Variants in SBNO1 observed in about 807,000 individuals in gnomAD.
The protein encoded by SBNO1 is protein strawberry notch homolog 1.
Under a neutral mutation model 173.6 loss-of-function variants are expected in SBNO1, and 23 were observed. The observed-to-expected ratio is 0.13, with a 90% CI of 0.10 to 0.19. The LOEUF (loss-of-function observed/expected upper bound fraction) is 0.19, where lower values mean the gene tolerates loss of function less well. SBNO1 is among the 10% of genes least tolerant of loss of function. The pLI is 1.00. For synonymous variants in SBNO1, 632 were observed against 571.5 expected (o/e 1.11, Z -1.51); for missense variants, 1,238 against 1,671.2 (o/e 0.74, Z 4.52).
chr12:123,336,388 G>A lies in SBNO1; in HGVS notation c.748+7C>T, dbSNP rs767164292. 2.0e-6 allele frequency: 3 copies of A among 1,501,926 alleles called. No individual in the cohort carries two copies. Among genetic ancestry groups the A allele is most frequent in the Admixed American group, 1.8e-5 (1 of 55,158 alleles). The allele number at this position is 1,501,926 out of a possible 1,614,324, so 93.0% of individuals were successfully genotyped here. On this transcript the variant is annotated splice_region_variant and intron_variant, in intron 6 of 31. Coordinates refer to ENST00000602398, the MANE Select transcript of SBNO1 (RefSeq NM_001167856.3). Reference sequence around the variant, plus strand: ...ATGTAAATATCTGACAAATCCCGAAGACATACATTTTATTGGCATGTATTC... The same window carrying A: ...ATGTAAATATCTGACAAATCCCGAAAACATACATTTTATTGGCATGTATTC...
At chr12:123,298,405 T>C (rs962808923) in intron 30 of SBNO1, among the ~76,000 whole-genome samples, 3 of 151,908 alleles carry the variant, frequency 2.0e-5, no homozygotes, top group African/African-American at 7.3e-5. Flanking sequence ...TAACTGGGAC[T>C]TTTTTTTGTT....
intron 1 of SBNO1, among the ~76,000 whole-genome samples, chr12:123,356,473 T>C (rs1283097595): frequency 4.6e-5 from 7 of 152,336 alleles, no homozygotes; most frequent in South Asian, 2.1e-4. Flanking sequence ...TCTTGTTCTG[T>C]CACCCAAGCT....
chr12:123,347,468 C>T (rs1040456223), intron 3 of SBNO1, among the ~76,000 whole-genome samples: 2 of 151,832 alleles, frequency 1.3e-5, no homozygotes, highest in Admixed American at 1.3e-4. Flanking sequence ...CCTCGTGATC[C>T]ACCCTCCCTG....
chr12:123,311,139 C>G lies in SBNO1; in HGVS notation c.3221-10G>C. On this transcript the variant is annotated splice_polypyrimidine_tract_variant and intron_variant, in intron 24 of 31. Transcript: ENST00000602398. The stretch of plus-strand genomic sequence containing the variant: ...AGTCCTTGTCGAACATCTGTAAGAA[C>G]AGGATCAATTCTGACTCATAAATTA... 3 of 1,604,612 alleles carry G rather than the reference C, an allele frequency of 1.9e-6. No homozygotes were observed. The highest frequency in any genetic ancestry group is 2.6e-6 in the Non-Finnish European group (3 of 1,171,526).
chr12:123,320,143 C>A, intron 19 of SBNO1, 112 bp from the exon 20 acceptor site: 1 of 1,208,340 alleles, frequency 8.3e-7, no homozygotes, highest in South Asian at 1.4e-5. Context: ...TGTGCTGCAC[C>A]ACACACTGAA....
At chr12:123,358,228 G>A (rs2139099819) in intron 1 of SBNO1, among the ~76,000 whole-genome samples, 1 of 152,332 alleles carries the variant, frequency 6.6e-6, no homozygotes, top group African/African-American at 2.4e-5. Flanking sequence ...AGTTTTGACT[G>A]CATTTTGGAC....
At chr12:123,341,320 G>T (rs1019839813) in intron 4 of SBNO1, among the ~76,000 whole-genome samples, 35 of 151,838 alleles carry the variant, frequency 2.3e-4, no homozygotes, top group African/African-American at 8.2e-4. Flanking sequence ...GTGGTGGCGG[G>T]CACCTGTAAT....
chr12:123,295,833 C>T lies in SBNO1; in HGVS notation c.*75G>A, dbSNP rs968930328. On this transcript the variant is annotated 3_prime_UTR_variant, in exon 32 of 32. Coordinates refer to ENST00000602398, the MANE Select transcript of SBNO1 (RefSeq NM_001167856.3). Reference sequence around the variant, plus strand: ...AAAAAAATATATAATTCTTTGGAAACTGTCCCTGATTTTTATGCAAATGAT... The same window carrying T: ...AAAAAAATATATAATTCTTTGGAAATTGTCCCTGATTTTTATGCAAATGAT... 1 of 1,546,852 alleles carries T rather than the reference C, an allele frequency of 6.5e-7. No homozygotes were observed. Among genetic ancestry groups the T allele is most frequent in the African/African-American group, 1.4e-5 (1 of 72,758 alleles).
chr12:123,348,475 A>G (rs1476423759), intron 2 of SBNO1, among the ~76,000 whole-genome samples: 1 of 152,006 alleles, frequency 6.6e-6, no homozygotes, highest in Non-Finnish European at 1.5e-5. Flanking sequence ...ACAAAAAATT[A>G]GCTGGGCTTG....
rs1204022846 is a variant in SBNO1 at position 123,321,741 on chromosome 12, C to A, written c.2126-9G>T. 2 of 1,612,598 alleles carry A rather than the reference C, an allele frequency of 1.2e-6. No individual in the cohort carries two copies. Among genetic ancestry groups the A allele is most frequent in the Non-Finnish European group, 1.7e-6 (2 of 1,179,002 alleles). On this transcript the variant is annotated splice_polypyrimidine_tract_variant and intron_variant, in intron 16 of 31. Coordinates refer to ENST00000602398, the MANE Select transcript of SBNO1 (RefSeq NM_001167856.3). ...TCGAGTTATTTCTTCACCTACCCTC[C>A]GCCACAAACAAGAGAGTCAGCCCAA... is the stretch of plus-strand genomic sequence containing the variant.
rs1875705057 is a variant in SBNO1, at chr12:123,363,822, G to A, written c.-1+879C>T. 11 of 979,506 alleles carry A rather than the reference G, an allele frequency of 1.1e-5. No individual in the cohort carries two copies. The South Asian group carries it at 1.9e-4, about 17-fold the overall frequency. The allele number at this position is 979,506 out of a possible 1,614,324, so 60.7% of individuals were successfully genotyped here. A position where few individuals can be genotyped will look rare whatever the true frequency, so the allele number is the denominator to read the frequency against. ...GTGGTCCGCAAACATTAACCAAACA[G>A]AAGCACAAAGCAGGGGTGGGAAGGG... is the stretch of plus-strand genomic sequence containing the variant. On this transcript the variant is annotated intron_variant, in intron 1 of 31. Coordinates refer to ENST00000602398, the MANE Select transcript of SBNO1 (RefSeq NM_001167856.3).
intron 3 of SBNO1, among the ~76,000 whole-genome samples, chr12:123,347,117 C>T (rs1186505203): frequency 2.7e-5 from 4 of 150,326 alleles, no homozygotes; most frequent in Admixed American, 1.3e-4. Context: ...AGAAATGTGT[C>T]GCAAAGTAGG....
chr12:123,313,443 G>A (rs1439195289), intron 24 of SBNO1, among the ~76,000 whole-genome samples, 177 bp downstream of exon 24: 1 of 151,908 alleles, frequency 6.6e-6, no homozygotes, highest in Admixed American at 6.6e-5. Context: ...AATAAAATTT[G>A]CTTTAATAAA....
intron 7 of SBNO1, among the ~76,000 whole-genome samples, chr12:123,331,669 C>G (rs1036196233): frequency 6.6e-6 from 1 of 151,858 alleles, no homozygotes; most frequent in African/African-American, 2.4e-5. Flanking sequence ...CTACAGGCGC[C>G]CGCCACCACG....
intron 1 of SBNO1, among the ~76,000 whole-genome samples, chr12:123,350,695 G>A (rs1020117571): frequency 1.3e-5 from 2 of 152,206 alleles, no homozygotes; most frequent in African/African-American, 4.8e-5. Context: ...CGGGAACAGA[G>A]AAGGAAATAA....
chr12:123,322,024 G>C (rs918735267), intron 16 of SBNO1, among the ~76,000 whole-genome samples: 1 of 152,180 alleles, frequency 6.6e-6, no homozygotes. Flanking sequence ...AGTAAAAGCA[G>C]AACCTCTGGC....
intron 4 of SBNO1, among the ~76,000 whole-genome samples, chr12:123,342,980 G>A (rs1458357000): frequency 1.3e-5 from 2 of 152,142 alleles, no homozygotes; most frequent in Non-Finnish European, 2.9e-5. Context: ...AGGTGCTCAC[G>A]CCTGTAATCC....
In SBNO1 at chr12:123,309,783, C is replaced by A; in HGVS notation, c.3369G>T (p.Gln1123His). The change falls in exon 26 of 32, where the codon CAG becomes CAT. Residue 1123 changes from glutamine to histidine, a missense_variant. Around this residue, in one of 14 missense-constraint regions of SBNO1, gnomAD observed 351 missense variants for 420.3 expected, o/e 0.84. Coordinates refer to ENST00000602398, the MANE Select transcript of SBNO1 (RefSeq NM_001167856.3). Reference protein sequence around the residue: ...MEVHQQNALFQYFADTLTAVV... With the variant: ...MEVHQQNALFHYFADTLTAVV... ...CTGCAGTAAGTGTGTCCGCAAAATACTGAAATAACGCATTCTGCTGATGCA... is the reference window on the plus strand; with the variant it reads ...CTGCAGTAAGTGTGTCCGCAAAATAATGAAATAACGCATTCTGCTGATGCA... 1 of 1,613,076 alleles carries A rather than the reference C, an allele frequency of 6.2e-7. No homozygotes were observed. The highest frequency in any genetic ancestry group is 8.5e-7 in the Non-Finnish European group (1 of 1,179,552).
In SBNO1 at chr12:123,331,307, T is replaced by C; in HGVS notation, c.978A>G (p.Gly326=). The C allele has an allele frequency of 1.9e-6, 3 of 1,614,040 alleles. No individual in the cohort carries two copies. The highest frequency in any genetic ancestry group is 1.7e-5 in the Admixed American group (1 of 60,022). ...TGATTCCTGCTATCGTCCTTCCTTTTCCTACACCGGCACCATCACCTATTA... is the reference window on the plus strand; with the variant it reads ...TGATTCCTGCTATCGTCCTTCCTTTCCCTACACCGGCACCATCACCTATTA... ...GFLIGDGAGV[G]KGRTIAGIIY... Residue 326 remains glycine, a synonymous_variant, in exon 8 of 32, where the codon GGA becomes GGG. Transcript: ENST00000602398.
Sources: allele counts gnomAD v4.1 joint callset (sites outside exome capture counted in the v4.1 genomes callset), GRCh38; gene constraint gnomAD v4.1.1; regional missense constraint gnomAD v4.1.1; transcripts MANE v1.5; gene names NCBI Gene and HGNC (gene_info 2026-07-23, HGNC 2026-07-21).